C8orf34: variants seen among roughly 807,000 people sequenced by gnomAD.
C8orf34 encodes the protein chromosome 8 open reading frame 34.
C8orf34 carries 65 observed loss-of-function variants against 68.3 expected under a neutral mutation model. The observed-to-expected ratio is 0.95, with a 90% CI of 0.78 to 1.17. The LOEUF (loss-of-function observed/expected upper bound fraction) is 1.17. Ranked by LOEUF, C8orf34 falls within the 50% of genes most tolerant of loss-of-function variation. The pLI, the probability that C8orf34 is intolerant of heterozygous loss-of-function variation, is 0.00. For synonymous variants in C8orf34, 244 were observed against 241.2 expected (o/e 1.01, Z -0.11); for missense variants, 664 against 655.4 (o/e 1.01, Z -0.14).
chr8:68,421,410 T>C (rs569430290), intron 1 of C8orf34, among the ~76,000 whole-genome samples: 1 of 152,238 alleles, frequency 6.6e-6, no homozygotes, highest in East Asian at 1.9e-4. Context: ...CAAAACAAAA[T>C]GAAACAAGAG....
At chr8:68,703,082 G>A (rs1161042541) in intron 8 of C8orf34, among the ~76,000 whole-genome samples, 1 of 152,068 alleles carries the variant, frequency 6.6e-6, no homozygotes, top group African/African-American at 2.4e-5. Flanking sequence ...CTCTTGACTA[G>A]TCCATCTTCC....
chr8:68,479,198 G>C (rs1365769602), intron 4 of C8orf34, among the ~76,000 whole-genome samples: 2 of 152,100 alleles, frequency 1.3e-5, no homozygotes, highest in Non-Finnish European at 2.9e-5. Context: ...GCAGAAGCTG[G>C]TATGCAGTGG....
At chr8:68,394,327 GA>G (rs1469338202) in intron 1 of C8orf34, among the ~76,000 whole-genome samples, 2 of 147,504 alleles carry the variant, frequency 1.4e-5, no homozygotes, top group Non-Finnish European at 3.0e-5. Flanking sequence ...CTGTGAGTGA[GA>G]ATATGCGGTG....
chr8:68,619,488 A>G (rs1415551950), intron 7 of C8orf34, among the ~76,000 whole-genome samples: 2 of 148,052 alleles, frequency 1.4e-5, no homozygotes, highest in Non-Finnish European at 3.0e-5. Flanking sequence ...TAGGGATAAT[A>G]TTTTGCCCTT....
At chr8:68,429,509 T>C (rs1810365371) in intron 1 of C8orf34, among the ~76,000 whole-genome samples, 2 of 152,242 alleles carry the variant, frequency 1.3e-5, no homozygotes, top group African/African-American at 4.8e-5. Context: ...ATGTTATTAC[T>C]CATGAATCCC....
chr8:68,636,284 C>T (rs1818840262), intron 7 of C8orf34, among the ~76,000 whole-genome samples: 1 of 151,914 alleles, frequency 6.6e-6, no homozygotes, highest in South Asian at 2.1e-4. Context: ...TCTAATGCTG[C>T]ATATGATCTG....
intron 11 of C8orf34, among the ~76,000 whole-genome samples, chr8:68,783,449 C>T (rs551380505): frequency 9.0e-5 from 11 of 121,778 alleles, no homozygotes; most frequent in Non-Finnish European, 1.3e-4. Context: ...ACCTGGGAGG[C>T]GGAGGTTGCA....
chr8:68,785,178 C>T (rs1004343697), intron 11 of C8orf34, among the ~76,000 whole-genome samples: 4 of 150,592 alleles, frequency 2.7e-5, no homozygotes, highest in South Asian at 2.1e-4. Context: ...CACTCCAGCC[C>T]GGGCAACAAA....
At chr8:68,353,475 A>G (rs1267568782) in intron 1 of C8orf34, among the ~76,000 whole-genome samples, 3 of 151,240 alleles carry the variant, frequency 2.0e-5, no homozygotes, top group African/African-American at 7.3e-5. Context: ...AATATAATAA[A>G]AAGTTATGGA....
At chr8:68,524,918 G>A (rs1814912676) in intron 6 of C8orf34, among the ~76,000 whole-genome samples, 1 of 152,090 alleles carries the variant, frequency 6.6e-6, no homozygotes, top group African/African-American at 2.4e-5. Context: ...CTCTAAAGCT[G>A]AATCACCTTA....
At chr8:68,799,958 AAGAC>A (rs1358773824) in intron 12 of C8orf34, among the ~76,000 whole-genome samples, 6 of 152,186 alleles carry the variant, frequency 3.9e-5, no homozygotes, top group African/African-American at 1.4e-4. Context: ...CAAGGACACA[AAGAC>A]AGGAAGAATA....
intron 10 of C8orf34, among the ~76,000 whole-genome samples, chr8:68,775,176 T>C (rs973600767): frequency 6.6e-6 from 1 of 151,946 alleles, no homozygotes; most frequent in Admixed American, 6.6e-5. Context: ...TGGCCTCAGT[T>C]TCCCCAAGTA....
chr8:68,651,976 C>T (rs1217317944), intron 8 of C8orf34, among the ~76,000 whole-genome samples: 6 of 152,150 alleles, frequency 3.9e-5, no homozygotes, highest in Admixed American at 6.5e-5. Context: ...CTTAACCTTC[C>T]AGTGGGTGCT....
At chr8:68,534,951 C>A (rs976028816) in intron 7 of C8orf34, 1 of 985,222 alleles carries the variant, frequency 1.0e-6, no homozygotes, top group African/African-American at 1.7e-5. Context: ...GTGGTCTGAG[C>A]AAGTTTAATA....
intron 10 of C8orf34, among the ~76,000 whole-genome samples, chr8:68,767,100 A>G (rs543685973): frequency 6.6e-6 from 1 of 152,294 alleles, no homozygotes; most frequent in Admixed American, 6.5e-5. Flanking sequence ...AGGCTAAGGC[A>G]GGAGAATCAA....
intron 6 of C8orf34, among the ~76,000 whole-genome samples, chr8:68,524,132 C>T (rs1044339503): frequency 2.0e-5 from 3 of 152,182 alleles, no homozygotes; most frequent in African/African-American, 7.2e-5. Context: ...ACTCAAATGG[C>T]TACTACAACA....
At position 68,607,697 on chromosome 8, in the gene C8orf34, T is replaced by C. The variant is rs568371431; in HGVS notation, c.1106-32679T>C. ...TATTGTAAAGTTAAATCATTTCTTGTACCTTGTAAATGAACCTACAAGACT... is the reference window on the plus strand; with the variant it reads ...TATTGTAAAGTTAAATCATTTCTTGCACCTTGTAAATGAACCTACAAGACT... On this transcript the variant is annotated intron_variant, in intron 7 of 13. Transcript: ENST00000518698. Among the ~76,000 whole-genome samples, 7 of 152,242 alleles carry C rather than the reference T, an allele frequency of 4.6e-5. No homozygotes were observed. In the South Asian group the frequency reaches 1.5e-3, roughly 32 times the overall value.
At chr8:68,574,695 G>A (rs1230106317) in intron 7 of C8orf34, among the ~76,000 whole-genome samples, 2 of 151,992 alleles carry the variant, frequency 1.3e-5, no homozygotes, top group Non-Finnish European at 2.9e-5. Context: ...ATAGAAACTT[G>A]AAACACATGC....
chr8:68,374,562 G>A (rs1387243759), intron 1 of C8orf34, among the ~76,000 whole-genome samples: 1 of 152,138 alleles, frequency 6.6e-6, no homozygotes, highest in Non-Finnish European at 1.5e-5. Context: ...CGCAAGCTTT[G>A]AAATTAGGAG....
Sources: allele counts gnomAD v4.1 joint callset (sites outside exome capture counted in the v4.1 genomes callset), GRCh38; gene constraint gnomAD v4.1.1; transcripts MANE v1.5; gene names NCBI Gene and HGNC (gene_info 2026-07-23, HGNC 2026-07-21).